The following PTP4A3 variants were observed in gnomAD, a reference collection of about 807,000 sequenced individuals.
PTP4A3 encodes protein tyrosine phosphatase type IVA 3.
Under a neutral mutation model 15.2 loss-of-function variants are expected in PTP4A3, and 9 were observed. The observed-to-expected ratio is 0.59, with a 90% CI of 0.36 to 1.03. The LOEUF (loss-of-function observed/expected upper bound fraction) is 1.03, where lower values mean the gene tolerates loss of function less well. Ranked by LOEUF, PTP4A3 falls within the 50% of genes least tolerant of loss-of-function variation. The probability of loss-of-function intolerance (pLI) is 0.02; values close to 1 mark genes in which losing one functional copy is unlikely to be tolerated. For synonymous variants in PTP4A3, 95 were observed against 102.0 expected, an observed-to-expected ratio of 0.93 and a Z score of 0.41; for missense variants, 234 against 252.1, an observed-to-expected ratio of 0.93 and a Z score of 0.49.
At chr8:141,424,285 CCT>C (rs1833466345) in intron 2 of PTP4A3, among the ~76,000 whole-genome samples, 1 of 152,180 alleles carries the variant, frequency 6.6e-6, no homozygotes, top group Admixed American at 6.5e-5. Context: ...GCACGTGACC[CCT>C]GTGGAGTGGA....
chr8:141,415,450 C>A (rs866582078), intron 1 of PTP4A3, among the ~76,000 whole-genome samples: 1 of 150,826 alleles, frequency 6.6e-6, no homozygotes, highest in African/African-American at 2.4e-5. Context: ...CTGGAGGGAC[C>A]CTCCTGCCCT....
chr8:141,394,116 A>C (rs2129757819), intron 1 of PTP4A3, among the ~76,000 whole-genome samples: 1 of 152,254 alleles, frequency 6.6e-6, no homozygotes, highest in African/African-American at 2.4e-5. Context: ...CCCAATGCCT[A>C]TGCACGTGAC....
intron 1 of PTP4A3, among the ~76,000 whole-genome samples, chr8:141,398,681 G>T (rs1425914050): frequency 6.6e-6 from 1 of 152,088 alleles, no homozygotes; most frequent in Non-Finnish European, 1.5e-5. Context: ...GGTGCTCAGG[G>T]CCTGGCTGGG....
intron 1 of PTP4A3, among the ~76,000 whole-genome samples, chr8:141,410,421 C>T (rs376342316): frequency 4.6e-5 from 7 of 152,332 alleles, no homozygotes; most frequent in African/African-American, 9.6e-5. Flanking sequence ...AGAAGCCCTG[C>T]GGGGAAGAAG....
intron 2 of PTP4A3, 76 bp from the exon 3 acceptor site, chr8:141,424,972 C>T (rs1325170702): frequency 3.2e-6 from 4 of 1,244,126 alleles, no homozygotes; most frequent in Admixed American, 3.7e-5. Flanking sequence ...GCCCTGGGAG[C>T]CCTGGTGAGT....
Position 141,431,075 on chromosome 8 carries a change from G to A in PTP4A3, c.*31G>A, listed in dbSNP as rs369463693. The A allele has an allele frequency of 5.9e-5, 95 of 1,605,612 alleles. No homozygotes were observed. The African/African-American group carries it at 1.2e-3, about 20-fold the overall frequency. On this transcript the variant is annotated 3_prime_UTR_variant, in exon 6 of 6. Transcript: ENST00000521578. ...GACCTTGGCTGGGCCTGGTCGTCAT[G>A]TAGGTCAGGACCTTGGCTGGACCTG...
At chr8:141,396,571 A>T (rs1832456231) in intron 1 of PTP4A3, among the ~76,000 whole-genome samples, 1 of 152,064 alleles carries the variant, frequency 6.6e-6, no homozygotes, top group East Asian at 1.9e-4. Flanking sequence ...TGGGAACAGG[A>T]CAGTCCCGAG....
At chr8:141,412,868 C>T (rs975532820) in intron 1 of PTP4A3, among the ~76,000 whole-genome samples, 5 of 152,202 alleles carry the variant, frequency 3.3e-5, no homozygotes, top group Admixed American at 1.3e-4. Context: ...ACAGCATGCA[C>T]GGGACGGTTT....
intron 1 of PTP4A3, among the ~76,000 whole-genome samples, chr8:141,395,011 G>A (rs897804433): frequency 2.0e-5 from 3 of 152,360 alleles, no homozygotes; most frequent in South Asian, 2.1e-4. Flanking sequence ...AAGGTGGGAC[G>A]GGGACAGGGA....
In PTP4A3 at chr8:141,427,902, T is replaced by C. The variant is rs564892631; in HGVS notation, c.404+78T>C. ...CGGCTGCCCACGAAGGGTGGCGGCATTGGCTGTGTGGTTCCGTCGCTCTGA... is the reference window on the plus strand; with the variant it reads ...CGGCTGCCCACGAAGGGTGGCGGCACTGGCTGTGTGGTTCCGTCGCTCTGA... On this transcript the variant is annotated intron_variant, in intron 5 of 5. Transcript: ENST00000521578. The C allele has an allele frequency of 8.4e-5, 115 of 1,364,648 alleles. No homozygotes were observed. The African/African-American group carries it at 1.5e-3, about 18-fold the overall frequency. The allele number at this position is 1,364,648 out of a possible 1,614,324, so 84.5% of individuals were successfully genotyped here.
Position 141,410,498 on chromosome 8 carries a change from G to A in PTP4A3, c.-853-10890G>A, listed in dbSNP as rs191582466. On this transcript the variant is annotated intron_variant, in intron 1 of 5. Coordinates refer to ENST00000521578, the MANE Select transcript of PTP4A3 (RefSeq NM_032611.3). ...CTGGGAACTGTGGTCTTCTTGGGGC[G>A]CTCGGTGTCCTCACAGCCCCTGTGG... 9.3e-4 allele frequency among the ~76,000 whole-genome samples: 142 copies of A among 152,360 alleles called. 2 individuals carry two copies. Among genetic ancestry groups the A allele is most frequent in the South Asian group, 1.4e-3 (7 of 4,830 alleles).
chr8:141,424,185 G>T (rs1833459533), intron 2 of PTP4A3, among the ~76,000 whole-genome samples: 1 of 152,110 alleles, frequency 6.6e-6, no homozygotes, highest in South Asian at 2.1e-4. Flanking sequence ...TGTGTTCCAG[G>T]TCCCTGTCCC....
rs780153774 is a variant in PTP4A3, at chr8:141,422,235, G to A, written c.-6G>A. On this transcript the variant is annotated 5_prime_UTR_variant, in exon 2 of 6. Transcript: ENST00000521578. ...TTCTGCCCTGCCGGGCCCGTCGGGA[G>A]GCGCCATGGCTCGGATGAACCGCCC... 3.1e-6 allele frequency: 5 copies of A among 1,612,880 alleles called. No homozygotes were observed. In the East Asian group the frequency reaches 6.7e-5, roughly 22 times the overall value.
At position 141,432,364 on chromosome 8, in the gene PTP4A3, G is replaced by A. The variant is rs1833910862; in HGVS notation, c.*1320G>A. 6.6e-6 allele frequency: 1 copy of A among 152,280 alleles called. No individual in the cohort carries two copies. Among genetic ancestry groups the A allele is most frequent in the African/African-American group, 2.4e-5 (1 of 41,464 alleles). The allele number at this position is 152,280 out of a possible 1,614,324, so 9.4% of individuals were successfully genotyped here. A position where few individuals can be genotyped will look rare whatever the true frequency, so the allele number is the denominator to read the frequency against. ...GACCTGGCTCCCCCAGCTCCTGTGT[G>A]GAGAAAGGGCAACAGCTGTCCCGGA... On this transcript the variant is annotated 3_prime_UTR_variant, in exon 6 of 6. Coordinates refer to ENST00000521578, the MANE Select transcript of PTP4A3 (RefSeq NM_032611.3).
intron 2 of PTP4A3, among the ~76,000 whole-genome samples, chr8:141,423,241 A>G (rs996798038): frequency 3.3e-5 from 5 of 152,204 alleles, no homozygotes; most frequent in African/African-American, 1.2e-4. Context: ...GGGAGCCTGG[A>G]CCCTGGACAC....
intron 2 of PTP4A3, among the ~76,000 whole-genome samples, chr8:141,423,182 G>A (rs914209782): frequency 6.6e-6 from 1 of 152,210 alleles, no homozygotes; most frequent in Non-Finnish European, 1.5e-5. Context: ...GGCGTGAGAG[G>A]GCATTAAGAA....
chr8:141,425,956 C>T lies in PTP4A3; in HGVS notation c.198+816C>T, dbSNP rs1391745801. Among the ~76,000 whole-genome samples the T allele has an allele frequency of 2.6e-5, 4 of 152,326 alleles. No homozygotes were observed. The highest frequency in any genetic ancestry group is 2.9e-5 in the Non-Finnish European group (2 of 68,012). Reference sequence around the variant, plus strand: ...GAGCCTTGGGTTCCTCACCTCAAAGCGAGGCTGCTTGGAAGAATGGGAGGC... The same window carrying T: ...GAGCCTTGGGTTCCTCACCTCAAAGTGAGGCTGCTTGGAAGAATGGGAGGC... On this transcript the variant is annotated intron_variant, in intron 3 of 5. Coordinates refer to ENST00000521578, the MANE Select transcript of PTP4A3 (RefSeq NM_032611.3). The surrounding 1 kb of genome is among the most constrained non-coding windows in gnomAD (Gnocchi z 4.2).
intron 1 of PTP4A3, among the ~76,000 whole-genome samples, chr8:141,393,350 C>G (rs1029996942): frequency 1.3e-5 from 2 of 152,182 alleles, no homozygotes; most frequent in Admixed American, 1.3e-4. Context: ...TTGGGGATCT[C>G]CCCATCACCA....
intron 1 of PTP4A3, among the ~76,000 whole-genome samples, chr8:141,415,930 C>G (rs986921737): frequency 2.0e-5 from 3 of 151,868 alleles, no homozygotes; most frequent in Non-Finnish European, 4.4e-5. Context: ...CCTGGCCCCC[C>G]TAGCAATGGG....
Sources: allele counts gnomAD v4.1 joint callset (sites outside exome capture counted in the v4.1 genomes callset), GRCh38; gene constraint gnomAD v4.1.1; non-coding constraint Gnocchi (gnomAD v3.1); transcripts MANE v1.5; gene names NCBI Gene and HGNC (gene_info 2026-07-23, HGNC 2026-07-21).